Variants in MTUS1 observed in about 807,000 individuals in gnomAD.
The protein encoded by MTUS1 is microtubule-associated tumor suppressor 1.
In MTUS1, 109 loss-of-function variants were observed where a neutral mutation model predicts 120.8. The observed-to-expected ratio is 0.90, with a 90% CI of 0.77 to 1.06. MTUS1 has a LOEUF of 1.06. Ranked by LOEUF, MTUS1 falls within the 50% of genes least tolerant of loss-of-function variation. The pLI is 0.00. For synonymous variants in MTUS1, 737 were observed against 550.5 expected, an observed-to-expected ratio of 1.34 and a Z score of -4.74; for missense variants, 2,210 against 1,486.3, an observed-to-expected ratio of 1.49 and a Z score of -8.01.
At chr8:17,800,285 C>CACCT (rs762377036) in intron 1 of MTUS1, among the ~76,000 whole-genome samples, 15 of 152,260 alleles carry the variant, frequency 9.9e-5, no homozygotes, top group Non-Finnish European at 2.1e-4. Flanking sequence ...GACTTTCGAT[C>CACCT]ACCTGCACCT....
At chr8:17,717,199 G>C (rs113665225) in intron 4 of MTUS1, among the ~76,000 whole-genome samples, 4 of 152,222 alleles carry the variant, frequency 2.6e-5, no homozygotes, top group African/African-American at 9.6e-5. Context: ...CCTAATATTA[G>C]GTCAAATCAA....
intron 12 of MTUS1, among the ~76,000 whole-genome samples, chr8:17,652,862 T>C (rs1807330127): frequency 6.6e-6 from 1 of 151,954 alleles, no homozygotes; most frequent in Admixed American, 6.6e-5. Context: ...AGAGTGAACT[T>C]TGTAGTTTGT....
intron 3 of MTUS1, among the ~76,000 whole-genome samples, chr8:17,726,150 T>C (rs929434593): frequency 1.3e-5 from 2 of 152,122 alleles, no homozygotes; most frequent in African/African-American, 4.8e-5. Flanking sequence ...CAGCTCAAGC[T>C]TCTCTTCTGA....
At position 17,702,024 on chromosome 8, in the gene MTUS1, G is replaced by C. The variant is rs57623745; in HGVS notation, c.2623+11190C>G. On this transcript the variant is annotated intron_variant, in intron 6 of 14. Transcript: ENST00000693296. ...ATGGCTTCAAAAATGTCTTTAAAAT[G>C]TCAACGAACTTAATTCCTGTAAGGT... 1.1e-3 allele frequency among the ~76,000 whole-genome samples: 168 copies of C among 152,242 alleles called. 2 individuals are homozygous for C. Among genetic ancestry groups the C allele is most frequent in the Middle Eastern group, 3.4e-3 (1 of 294 alleles).
chr8:17,781,880 C>T (rs2050901162), intron 1 of MTUS1, among the ~76,000 whole-genome samples: 1 of 151,992 alleles, frequency 6.6e-6, no homozygotes, highest in Non-Finnish European at 1.5e-5. Context: ...ATGAGGCCGC[C>T]TTTAGAGAGA....
At chr8:17,664,528 G>A (rs1040416528) in intron 8 of MTUS1, among the ~76,000 whole-genome samples, 5 of 150,768 alleles carry the variant, frequency 3.3e-5, no homozygotes, top group Non-Finnish European at 7.4e-5. Flanking sequence ...TCTGCCTGCA[G>A]TGGGCCCCTC....
chr8:17,645,780 C>T lies in MTUS1; in HGVS notation c.*146G>A, dbSNP rs1805649971. 7 of 1,055,284 alleles carry T rather than the reference C, an allele frequency of 6.6e-6. No homozygotes were observed. Among genetic ancestry groups the T allele is most frequent in the East Asian group, 6.0e-5 (2 of 33,462 alleles). 65.4% of individuals were successfully genotyped at this position (1,055,284 alleles called of 1,614,324 possible). On this transcript the variant is annotated 3_prime_UTR_variant, in exon 15 of 15. Transcript: ENST00000693296. The stretch of plus-strand genomic sequence containing the variant: ...TCCAGAGTTCCAGTCTCAGAAGCTG[C>T]GATTCCGCCGGTGGTGACGCTCCAG...
chr8:17,749,800 T>C lies in MTUS1; in HGVS notation c.2091+3917A>G, dbSNP rs11203906. Among the ~76,000 whole-genome samples the C allele has an allele frequency of 2.6e-3, 397 of 152,316 alleles. 3 individuals are homozygous for C. The highest frequency in any genetic ancestry group is 4.1e-3 in the Non-Finnish European group (280 of 68,036). ...CTTACATGTACTGATTGACGTCTTATGTCTCCCTAAAATGTGTAAAAGCAA... is the reference window on the plus strand; with the variant it reads ...CTTACATGTACTGATTGACGTCTTACGTCTCCCTAAAATGTGTAAAAGCAA... On this transcript the variant is annotated intron_variant, in intron 2 of 14. Transcript: ENST00000693296.
At chr8:17,787,746 T>G (rs746934365) in intron 1 of MTUS1, among the ~76,000 whole-genome samples, 7 of 152,274 alleles carry the variant, frequency 4.6e-5, no homozygotes, top group Admixed American at 6.5e-5. Context: ...GCTACTGTTA[T>G]GCCAACAACC....
At position 17,755,019 on chromosome 8, in the gene MTUS1, C is replaced by T. The variant is rs1231094044; in HGVS notation, c.789G>A (p.Gln263=). ...TGACCTTTCCTGAAGAACATGCACA[C>T]TGATTTCCAATATCTGAAACAAAAA... is the stretch of plus-strand genomic sequence containing the variant. The part of the protein sequence containing the change: ...SEVFVSDIGN[Q]CACSSGKVTS... The change falls in exon 2 of 15, where the codon CAG becomes CAA. Residue 263 remains glutamine (Q), a synonymous_variant. Transcript: ENST00000693296. The T allele has an allele frequency of 1.2e-6, 2 of 1,614,054 alleles. No individual in the cohort carries two copies. The highest frequency in any genetic ancestry group is 1.7e-6 in the Non-Finnish European group (2 of 1,180,028).
chr8:17,729,696 T>C (rs1347518597), intron 3 of MTUS1, among the ~76,000 whole-genome samples: 1 of 152,178 alleles, frequency 6.6e-6, no homozygotes, highest in African/African-American at 2.4e-5. Context: ...TGTGATTGCT[T>C]TTAAACGCAG....
chr8:17,646,929 G>A (rs1355913978), intron 14 of MTUS1, 53 bp downstream of exon 14: 3 of 1,331,958 alleles, frequency 2.3e-6, no homozygotes, highest in Non-Finnish European at 2.2e-6. Flanking sequence ...AAAGTACACT[G>A]GATGTCCAAG....
intron 1 of MTUS1, among the ~76,000 whole-genome samples, chr8:17,800,115 T>A (rs746518699): frequency 6.6e-6 from 1 of 152,180 alleles, no homozygotes; most frequent in Non-Finnish European, 1.5e-5. Flanking sequence ...TGCACTGTTA[T>A]CTTGTATATA....
At chr8:17,767,789 C>A (rs2049674198) in intron 1 of MTUS1, among the ~76,000 whole-genome samples, 1 of 151,108 alleles carries the variant, frequency 6.6e-6, no homozygotes, top group African/African-American at 2.4e-5. Context: ...AGATAAAGAG[C>A]CAACGGTTTG....
intron 1 of MTUS1, among the ~76,000 whole-genome samples, chr8:17,765,097 C>G (rs1009098960): frequency 6.6e-6 from 1 of 152,208 alleles, no homozygotes; most frequent in East Asian, 1.9e-4. Flanking sequence ...ATAAGTAGCT[C>G]GCAACCTAGA....
chr8:17,678,162 T>A (rs1335877333), intron 7 of MTUS1, among the ~76,000 whole-genome samples: 3 of 152,184 alleles, frequency 2.0e-5, no homozygotes, highest in African/African-American at 4.8e-5. Flanking sequence ...CTCTCCCTGG[T>A]AGCTTGGCCT....
intron 3 of MTUS1, among the ~76,000 whole-genome samples, chr8:17,730,795 G>C (rs186246226): frequency 6.3e-4 from 96 of 152,310 alleles, no homozygotes; most frequent in Middle Eastern, 3.4e-3. Flanking sequence ...AGAACATAGA[G>C]TGGTGAGTGC....
In MTUS1 at chr8:17,653,233, A is replaced by C; in HGVS notation, c.3337T>G (p.Leu1113Val). Residue 1113 changes from leucine (L) to valine (V), a missense_variant, in exon 12 of 15, where the codon TTG becomes GTG. By Grantham distance (32) the Leu-to-Val change is conservative (BLOSUM62 1). Transcript: ENST00000693296. ...CTTCTTTTTTGTTCTTCTGATTTCA[A>C]TTTTTCATTTAAAGCATCATTTTCA... ...KSENDALNEK[L>V]KSEEQKRRAR... 3 of 1,557,450 alleles carry C rather than the reference A, an allele frequency of 1.9e-6. No homozygotes were observed. The South Asian group carries it at 3.7e-5, about 19-fold the overall frequency.
intron 3 of MTUS1, among the ~76,000 whole-genome samples, chr8:17,726,374 C>G (rs1315542457): frequency 6.6e-6 from 1 of 152,194 alleles, no homozygotes; most frequent in Non-Finnish European, 1.5e-5. Context: ...GTTTCTATCA[C>G]AGCATTTGCC....
Sources: allele counts gnomAD v4.1 joint callset (sites outside exome capture counted in the v4.1 genomes callset), GRCh38; gene constraint gnomAD v4.1.1; transcripts MANE v1.5; gene names NCBI Gene and HGNC (gene_info 2026-07-23, HGNC 2026-07-21).